The following NACC2 variants were observed in gnomAD, a reference collection of about 807,000 sequenced individuals.
NACC2 encodes the protein nucleus accumbens-associated protein 2.
In NACC2, 8 loss-of-function variants were observed where a neutral mutation model predicts 25.1. The observed-to-expected ratio is 0.32, with a 90% CI of 0.19 to 0.57. NACC2 has a LOEUF of 0.57. NACC2 is among the 20% of genes least tolerant of loss of function. NACC2 has a pLI of 0.89. For missense variants in NACC2, 644 were observed against 650.2 expected (o/e 0.99, Z 0.10); for synonymous variants, 435 against 294.7 (o/e 1.48, Z -4.88).
chr9:136,077,191 C>T (rs1456723236), intron 1 of NACC2, among the ~76,000 whole-genome samples: 27 of 119,084 alleles, frequency 2.3e-4, no homozygotes, highest in African/African-American at 7.3e-4. Context: ...ATTAGCTGGG[C>T]GTGGTGGCGG....
chr9:136,035,726 A>AAT, intron 2 of NACC2, among the ~76,000 whole-genome samples: 1 of 151,886 alleles, frequency 6.6e-6, no homozygotes, highest in Non-Finnish European at 1.5e-5. Context: ...AAAAAAAAAA[A>AAT]GTTCAGCCTT....
At chr9:136,080,911 C>T (rs1331948495) in intron 1 of NACC2, among the ~76,000 whole-genome samples, 1 of 152,200 alleles carries the variant, frequency 6.6e-6, no homozygotes. Context: ...TGCCAAGCCC[C>T]AGCCGCTCGA....
intron 2 of NACC2, among the ~76,000 whole-genome samples, chr9:136,024,758 T>A (rs569441876): frequency 6.6e-6 from 1 of 152,100 alleles, no homozygotes. Context: ...TTAGACTAAC[T>A]CCCTCATCAA....
In NACC2 at chr9:136,049,793, C is replaced by G. The variant is rs1166641627; in HGVS notation, c.729G>C (p.Gln243His). The change falls in exon 2 of 6, where the codon CAG becomes CAC. Residue 243 changes from glutamine to histidine, a missense_variant. Transcript: ENST00000277554. Reference protein sequence around the residue: ...IPGIQQMPYPQGERTSPGASS... With the variant: ...IPGIQQMPYPHGERTSPGASS... The stretch of plus-strand genomic sequence containing the variant: ...TGGCGCCTGGACTGGTCCGCTCCCC[C>G]TGGGGGTAGGGCATCTGCTGGATGC... 3 of 765,576 alleles carry G rather than the reference C, an allele frequency of 3.9e-6. No homozygotes were observed. Among genetic ancestry groups the G allele is most frequent in the Non-Finnish European group, 7.3e-6 (3 of 411,124 alleles). The allele number at this position is 765,576 out of a possible 1,614,324, so 47.4% of individuals were successfully genotyped here.
rs1019987510 is a variant in NACC2 at position 136,071,404 on chromosome 9, G to A, written c.-59-20824C>T. On this transcript the variant is annotated intron_variant, in intron 1 of 5. Transcript: ENST00000277554. Reference sequence around the variant, plus strand: ...CTAAAGATATGAAAATTAGTTGAGCGTGGAGGCAGGTGCCTGTAATCCCAG... The same window carrying A: ...CTAAAGATATGAAAATTAGTTGAGCATGGAGGCAGGTGCCTGTAATCCCAG... Among the ~76,000 whole-genome samples, 62 of 151,742 alleles carry A rather than the reference G, an allele frequency of 4.1e-4. 1 individual carries two copies. The highest frequency in any genetic ancestry group is 3.4e-3 in the Admixed American group (52 of 15,234).
chr9:136,021,981 G>C (rs1376406093), intron 2 of NACC2, among the ~76,000 whole-genome samples: 1 of 152,240 alleles, frequency 6.6e-6, no homozygotes, highest in Non-Finnish European at 1.5e-5. Flanking sequence ...GGTTTGGCGA[G>C]GGAGCCATTG....
intron 1 of NACC2, 71 bp from the exon 2 acceptor site, chr9:136,050,651 C>A: frequency 6.1e-6 from 4 of 655,910 alleles, no homozygotes; most frequent in Non-Finnish European, 1.1e-5. Flanking sequence ...GCCGTTCCCA[C>A]CCCCTCCTCC....
chr9:136,091,702 G>A (rs1466225710), intron 1 of NACC2, among the ~76,000 whole-genome samples: 2 of 152,176 alleles, frequency 1.3e-5, no homozygotes, highest in Non-Finnish European at 2.9e-5. Context: ...CCACAGCTGA[G>A]GGAGCTAGGG....
chr9:136,061,626 T>G (rs1207334634), intron 1 of NACC2, among the ~76,000 whole-genome samples: 1 of 151,756 alleles, frequency 6.6e-6, no homozygotes, highest in Non-Finnish European at 1.5e-5. Flanking sequence ...ACCCAGCAGG[T>G]CTACCCCAGC....
intron 2 of NACC2, among the ~76,000 whole-genome samples, chr9:136,037,583 T>C (rs1237489684): frequency 6.6e-6 from 1 of 151,494 alleles, no homozygotes. Context: ...TCTCAGCTCA[T>C]TGCAACCTCT....
chr9:136,061,057 G>A (rs78012349), intron 1 of NACC2, among the ~76,000 whole-genome samples: 7,194 of 152,286 alleles, frequency 0.047, 285 homozygotes, highest in African/African-American at 0.11. Context: ...ATACTGGAAC[G>A]GACGGACGCC....
intron 1 of NACC2, among the ~76,000 whole-genome samples, chr9:136,077,051 G>A (rs564806730): frequency 3.3e-5 from 5 of 151,868 alleles, no homozygotes; most frequent in East Asian, 1.9e-4. Flanking sequence ...GTGGTGGCGG[G>A]CGCCTGTAGT....
intron 1 of NACC2, among the ~76,000 whole-genome samples, chr9:136,068,149 A>G (rs1841109514): frequency 6.6e-6 from 1 of 152,194 alleles, no homozygotes; most frequent in African/African-American, 2.4e-5. Context: ...ATATGCTACT[A>G]AAGACTGTAT....
intron 2 of NACC2, among the ~76,000 whole-genome samples, chr9:136,030,619 A>G (rs1840459228): frequency 6.6e-6 from 1 of 150,888 alleles, no homozygotes; most frequent in Non-Finnish European, 1.5e-5. Flanking sequence ...CAAAAAAAAA[A>G]TAAAAAGAGG....
intron 2 of NACC2, among the ~76,000 whole-genome samples, chr9:136,044,127 T>A (rs1434622988): frequency 6.6e-6 from 1 of 151,906 alleles, no homozygotes; most frequent in Non-Finnish European, 1.5e-5. Flanking sequence ...GCCTGGCCAA[T>A]ACAAATACTT....
chr9:136,041,705 CA>C (rs1196779845), intron 2 of NACC2, among the ~76,000 whole-genome samples: 4 of 151,644 alleles, frequency 2.6e-5, no homozygotes, highest in East Asian at 3.9e-4. Context: ...TCTGAATATA[CA>C]AAAAAAACAC....
chr9:136,042,741 GAC>G (rs1588568184), intron 2 of NACC2, among the ~76,000 whole-genome samples: 1 of 140,462 alleles, frequency 7.1e-6, no homozygotes, highest in African/African-American at 2.7e-5. Flanking sequence ...GACACACACA[GAC>G]ACAGAGACAG....
chr9:136,012,003 G>A lies in NACC2; in HGVS notation c.1277C>T (p.Pro426Leu). 1 of 1,594,476 alleles carries A rather than the reference G, an allele frequency of 6.3e-7. No individual in the cohort carries two copies. Among genetic ancestry groups the A allele is most frequent in the Non-Finnish European group, 8.5e-7 (1 of 1,171,286 alleles). ...GTTCATCTCGCTCTCCTTGAAGCTGGGGGCGAAGTTCTGACAGTACACTGT... is the reference window on the plus strand; with the variant it reads ...GTTCATCTCGCTCTCCTTGAAGCTGAGGGCGAAGTTCTGACAGTACACTGT... ...AVKLYCQNFA[P>L]SFKESEMNVI... Residue 426 changes from proline (P) to leucine (L), a missense_variant, in exon 6 of 6, where the codon CCC becomes CTC. Physicochemically the swap from Pro to Leu is moderately conservative, Grantham distance 98 (BLOSUM62 -3). Coordinates refer to ENST00000277554, the MANE Select transcript of NACC2 (RefSeq NM_144653.5).
chr9:136,058,074 G>C (rs575726927), intron 1 of NACC2, among the ~76,000 whole-genome samples: 267 of 152,156 alleles, frequency 1.8e-3, no homozygotes, highest in Non-Finnish European at 2.6e-3. Flanking sequence ...AAATCAGAGC[G>C]ACACAGAAAC....
Sources: gnomAD v4.1 joint callset for allele counts (sites outside exome capture counted in the v4.1 genomes callset) on GRCh38, gnomAD v4.1.1 for gene constraint, MANE v1.5 for transcripts, NCBI Gene and HGNC (gene_info 2026-07-23, HGNC 2026-07-21) for gene names.